ARL6: variants seen among roughly 807,000 people sequenced by gnomAD.
ARL6 encodes the protein ARF like GTPase 6.
ARL6 carries 18 observed loss-of-function variants against 27.1 expected under a neutral mutation model. The ratio of observed to expected loss-of-function variants is 0.66; its 90% CI spans 0.46 to 0.98. ARL6 has a LOEUF of 0.98. Ranked by LOEUF, ARL6 falls within the 50% of genes least tolerant of loss-of-function variation. The pLI is 0.00. For synonymous variants in ARL6, 65 were observed against 72.3 expected (o/e 0.90, Z 0.51); for missense variants, 187 against 214.9 (o/e 0.87, Z 0.81).
At chr3:97,765,472 T>C (rs1167836767) in intron 1 of ARL6, among the ~76,000 whole-genome samples, 1 of 152,168 alleles carries the variant, frequency 6.6e-6, no homozygotes, top group African/African-American at 2.4e-5. Context: ...TCTGGCAATA[T>C]GTAATCCTTT....
chr3:97,774,475 G>T (rs892153465), intron 2 of ARL6, among the ~76,000 whole-genome samples: 1 of 152,202 alleles, frequency 6.6e-6, no homozygotes, highest in East Asian at 1.9e-4. Flanking sequence ...CTCAGACAAA[G>T]GTGGAAAGGC....
chr3:97,785,487 CATATAT>C (rs5851081), intron 5 of ARL6, among the ~76,000 whole-genome samples: 3 of 145,912 alleles, frequency 2.1e-5, no homozygotes, highest in Admixed American at 1.4e-4. Flanking sequence ...CATATTTATT[CATATAT>C]ATATATATAT....
intron 7 of ARL6, among the ~76,000 whole-genome samples, chr3:97,793,652 C>G (rs1559693301): frequency 6.6e-6 from 1 of 152,088 alleles, no homozygotes; most frequent in Non-Finnish European, 1.5e-5. Flanking sequence ...TACAAATTGC[C>G]AACTCTGGTC....
Position 97,798,013 on chromosome 3 carries a change from TTTG to T in ARL6, c.536-8_536-6del. Reference sequence around the variant, plus strand: ...AGAGATTGATAATTTTTGTTTGTTTTTTGTTATCAGATCAGATCCAGACTGTGA... The same window carrying T: ...AGAGATTGATAATTTTTGTTTGTTTTTTATCAGATCAGATCCAGACTGTGA... On this transcript the variant is annotated splice_region_variant and splice_polypyrimidine_tract_variant and intron_variant, in intron 7 of 7. Transcript: ENST00000463745. The T allele has an allele frequency of 1.2e-6, 2 of 1,612,748 alleles. No homozygotes were observed. Among genetic ancestry groups the T allele is most frequent in the African/African-American group, 1.3e-5 (1 of 75,016 alleles).
intron 4 of ARL6, among the ~76,000 whole-genome samples, chr3:97,783,216 A>G (rs966455277): frequency 5.3e-5 from 8 of 151,618 alleles, no homozygotes; most frequent in Non-Finnish European, 1.0e-4. Context: ...ACCATTGTCA[A>G]TCTTTTTGGT....
chr3:97,782,304 T>G (rs9864515), intron 4 of ARL6, among the ~76,000 whole-genome samples: 15,018 of 151,866 alleles, frequency 0.099, 1,129 homozygotes, highest in Admixed American at 0.23. Flanking sequence ...AAAATATATA[T>G]AGAGAGAAAA....
At chr3:97,779,739 G>A (rs1287142435) in intron 2 of ARL6, among the ~76,000 whole-genome samples, 3 of 151,874 alleles carry the variant, frequency 2.0e-5, no homozygotes, top group Non-Finnish European at 4.4e-5. Flanking sequence ...GGTGGCGGGC[G>A]CCTGTAGTCC....
intron 2 of ARL6, among the ~76,000 whole-genome samples, chr3:97,778,573 G>GT (rs907637202): frequency 1.6e-4 from 25 of 152,016 alleles, no homozygotes; most frequent in Admixed American, 9.2e-4. Context: ...ACTGAAGGGA[G>GT]TTTTTTTTAA....
chr3:97,784,914 T>C (rs2037374599), intron 4 of ARL6, 41 bp from the exon 5 acceptor site: 2 of 1,449,824 alleles, frequency 1.4e-6, no homozygotes, highest in African/African-American at 2.8e-5. Flanking sequence ...GAAAAATTTA[T>C]AAGTAAAGCT....
intron 7 of ARL6, among the ~76,000 whole-genome samples, chr3:97,795,313 T>G (rs1465931502): frequency 1.3e-5 from 2 of 152,176 alleles, no homozygotes; most frequent in African/African-American, 4.8e-5. Flanking sequence ...TTAGGTACTT[T>G]TAAAAAGAAA....
At position 97,798,420 on chromosome 3, in the gene ARL6, TATGAATTGTGCTTGTG is replaced by T. The variant is rs2038102912; in HGVS notation, c.*373_*388del. The stretch of plus-strand genomic sequence containing the variant: ...AAAAATTTAGTTTATGACTTTGCAG[TATGAATTGTGCTTGTG>T]AAAAAGAACTTTAAATATTTATAAG... On this transcript the variant is annotated 3_prime_UTR_variant, in exon 8 of 8. Transcript: ENST00000463745. The T allele has an allele frequency of 6.3e-6, 1 of 158,948 alleles. No homozygotes were observed. Among genetic ancestry groups the T allele is most frequent in the Admixed American group, 6.3e-5 (1 of 15,782 alleles). The allele number at this position is 158,948 out of a possible 1,614,324, so 9.8% of individuals were successfully genotyped here.
intron 5 of ARL6, among the ~76,000 whole-genome samples, chr3:97,787,591 A>T (rs1335506114): frequency 6.6e-6 from 1 of 152,194 alleles, no homozygotes; most frequent in African/African-American, 2.4e-5. Context: ...TACTTATGAT[A>T]TTGTGACAAA....
chr3:97,782,827 A>C (rs947440019), intron 4 of ARL6, among the ~76,000 whole-genome samples: 2 of 140,720 alleles, frequency 1.4e-5, no homozygotes, highest in African/African-American at 5.1e-5. Flanking sequence ...CATAGTAGTA[A>C]AAAAAAAAAA....
intron 2 of ARL6, among the ~76,000 whole-genome samples, chr3:97,775,655 C>A (rs1373781330): frequency 3.9e-5 from 6 of 152,268 alleles, no homozygotes; most frequent in African/African-American, 1.4e-4. Context: ...TTAACCATCA[C>A]AAAGAACTTT....
intron 7 of ARL6, 59 bp downstream of exon 7, chr3:97,791,885 T>C: frequency 2.7e-6 from 4 of 1,454,658 alleles, no homozygotes; most frequent in Non-Finnish European, 3.8e-6. Context: ...CATATTTTTA[T>C]CTTTTTTTAC....
At chr3:97,797,231 C>T (rs566507549) in intron 7 of ARL6, among the ~76,000 whole-genome samples, 8 of 152,214 alleles carry the variant, frequency 5.3e-5, no homozygotes, top group South Asian at 2.1e-4. Context: ...AGTAGATGGA[C>T]TGTGTAATGT....
At chr3:97,790,616 T>C (rs913050135) in intron 6 of ARL6, among the ~76,000 whole-genome samples, 4 of 152,168 alleles carry the variant, frequency 2.6e-5, no homozygotes, top group Admixed American at 1.3e-4. Flanking sequence ...ATAAAATTAA[T>C]ATATTTATCT....
rs547154577 is a variant in ARL6, at chr3:97,799,802, G to T, written c.*1753G>T. 1 of 152,082 alleles carries T rather than the reference G, an allele frequency of 6.6e-6. No individual in the cohort carries two copies. The highest frequency in any genetic ancestry group is 2.1e-4 in the South Asian group (1 of 4,830). The allele number at this position is 152,082 out of a possible 1,614,324, so 9.4% of individuals were successfully genotyped here. Reference sequence around the variant, plus strand: ...TAATTTGCCAAAGTTCAAAAAGCTGGTAAGTCTGGTACTAGGATTCAGTAC... The same window carrying T: ...TAATTTGCCAAAGTTCAAAAAGCTGTTAAGTCTGGTACTAGGATTCAGTAC... On this transcript the variant is annotated 3_prime_UTR_variant, in exon 8 of 8. Transcript: ENST00000463745.
intron 7 of ARL6, among the ~76,000 whole-genome samples, chr3:97,796,214 G>A (rs1470377546): frequency 1.3e-5 from 2 of 152,050 alleles, no homozygotes; most frequent in East Asian, 1.9e-4. Context: ...AAGTGGGTTC[G>A]AGTAAGTAGA....
Sources: gnomAD v4.1 joint callset for allele counts (sites outside exome capture counted in the v4.1 genomes callset) on GRCh38, gnomAD v4.1.1 for gene constraint, MANE v1.5 for transcripts, NCBI Gene and HGNC (gene_info 2026-07-23, HGNC 2026-07-21) for gene names.